The following PKHD1L1 variants were observed in gnomAD, a reference collection of about 807,000 sequenced individuals.
PKHD1L1 encodes the protein fibrocystin-L.
A neutral mutation model predicts 462.9 loss-of-function variants in PKHD1L1; 434 were observed. The observed-to-expected ratio is 0.94, with a 90% CI of 0.87 to 1.02. The LOEUF (loss-of-function observed/expected upper bound fraction) is 1.02. Ranked by LOEUF, PKHD1L1 falls within the 50% of genes least tolerant of loss-of-function variation. The pLI is 0.00. For synonymous variants in PKHD1L1, 1,781 were observed against 1,750.0 expected (o/e 1.02, Z -0.44); for missense variants, 5,202 against 5,096.1 (o/e 1.02, Z -0.63).
rs1460327188 is a variant in PKHD1L1 at position 109,397,533 on chromosome 8, A to G, written c.923-926A>G. On this transcript the variant is annotated intron_variant, in intron 11 of 77. Transcript: ENST00000378402. ...CTACAAAAAAAGAAAGAAAAAAAAGAAAAAAAAATTAGCTGGCATAGTGGC... is the reference window on the plus strand; with the variant it reads ...CTACAAAAAAAGAAAGAAAAAAAAGGAAAAAAAATTAGCTGGCATAGTGGC... 9.9e-5 allele frequency among the ~76,000 whole-genome samples: 11 copies of G among 110,790 alleles called. No individual in the cohort carries two copies. In the South Asian group the frequency reaches 4.0e-3, roughly 41 times the overall value. The allele number at this position is 110,790 out of a possible 152,430, so 72.7% of individuals were successfully genotyped here.
intron 76 of PKHD1L1, among the ~76,000 whole-genome samples, chr8:109,525,570 T>C (rs1042142370): frequency 1.3e-5 from 2 of 152,180 alleles, no homozygotes; most frequent in East Asian, 3.8e-4. Flanking sequence ...GTCATATCTC[T>C]ATGGACCTGA....
At chr8:109,377,330 A>G (rs988506861) in intron 2 of PKHD1L1, among the ~76,000 whole-genome samples, 1 of 152,180 alleles carries the variant, frequency 6.6e-6, no homozygotes, top group Non-Finnish European at 1.5e-5. Context: ...TAAAGAGTTA[A>G]ATCTACATCT....
chr8:109,418,616 C>G (rs937626537), intron 21 of PKHD1L1, among the ~76,000 whole-genome samples: 7 of 152,104 alleles, frequency 4.6e-5, no homozygotes, highest in African/African-American at 1.7e-4. Flanking sequence ...AAATAACACC[C>G]TTCTAGCACT....
chr8:109,471,572 T>C (rs1817718917), intron 50 of PKHD1L1, among the ~76,000 whole-genome samples: 2 of 152,204 alleles, frequency 1.3e-5, no homozygotes, highest in Admixed American at 1.3e-4. Context: ...CAGCAGCAAC[T>C]GAAAATGAAT....
At chr8:109,473,008 G>T (rs1817801365) in intron 50 of PKHD1L1, among the ~76,000 whole-genome samples, 1 of 152,072 alleles carries the variant, frequency 6.6e-6, no homozygotes, top group South Asian at 2.1e-4. Flanking sequence ...AAATTAATTT[G>T]AGACACTAAC....
At chr8:109,390,410 G>A (rs1364489098) in intron 8 of PKHD1L1, 42 bp from the exon 9 acceptor site, 1 of 1,182,752 alleles carries the variant, frequency 8.5e-7, no homozygotes, top group South Asian at 1.9e-5. Context: ...GTTCTTCTGT[G>A]ACTGGGAATT....
rs769110948 is a variant in PKHD1L1 at position 109,465,180 on chromosome 8, C to G, written c.8348C>G (p.Pro2783Arg). 3 of 1,613,660 alleles carry G rather than the reference C, an allele frequency of 1.9e-6. No homozygotes were observed. Among genetic ancestry groups the G allele is most frequent in the African/African-American group, 1.3e-5 (1 of 74,976 alleles). ...GTTGACGTCCAGTATTCTCACACAC[C>G]GAACAAGGCTGGCTTTCGCTGGGAA... ...KFVDVQYSHT[P>R]NKAGFRWEHE... The change falls in exon 49 of 78, where the codon CCG becomes CGG. Residue 2783 changes from proline to arginine, a missense_variant. Transcript: ENST00000378402.
intron 76 of PKHD1L1, among the ~76,000 whole-genome samples, chr8:109,526,505 G>A (rs1401505998): frequency 6.6e-6 from 1 of 152,070 alleles, no homozygotes; most frequent in African/African-American, 2.4e-5. Context: ...GTCCAGTCCT[G>A]GGCACTAGGA....
chr8:109,510,364 T>C (rs1819907092), intron 70 of PKHD1L1, among the ~76,000 whole-genome samples: 1 of 152,158 alleles, frequency 6.6e-6, no homozygotes, highest in African/African-American at 2.4e-5. Flanking sequence ...GAAAGTTCAA[T>C]TCCCACTCAA....
intron 9 of PKHD1L1, among the ~76,000 whole-genome samples, chr8:109,393,601 G>A (rs966081502): frequency 2.0e-5 from 3 of 152,158 alleles, no homozygotes; most frequent in African/African-American, 7.2e-5. Flanking sequence ...TAATACACAC[G>A]TGAGGAGCCA....
At chr8:109,476,777 C>A in intron 52 of PKHD1L1, 110 bp downstream of exon 52, 2 of 926,098 alleles carry the variant, frequency 2.2e-6, no homozygotes, top group Non-Finnish European at 3.1e-6. Context: ...ATACAGGATC[C>A]AATAAATGTT....
chr8:109,527,267 T>A (rs1820865165), intron 77 of PKHD1L1, among the ~76,000 whole-genome samples: 1 of 152,118 alleles, frequency 6.6e-6, no homozygotes, highest in Non-Finnish European at 1.5e-5. Context: ...TTTGGGCGGC[T>A]GAGGCAGGTG....
rs1813421985 is a variant in PKHD1L1, at chr8:109,404,419, A to G, written c.1374-135A>G. On this transcript the variant is annotated intron_variant, in intron 14 of 77. Transcript: ENST00000378402. ...TGAAAATTTTAACATTTGAATATTT[A>G]AAATATGAGATACTACAATATAAGT... 1.0e-5 allele frequency: 5 copies of G among 495,008 alleles called. No homozygotes were observed. In the Admixed American group the frequency reaches 1.7e-4, roughly 17 times the overall value. The allele number at this position is 495,008 out of a possible 1,614,324, so 30.7% of individuals were successfully genotyped here. A position where few individuals can be genotyped will look rare whatever the true frequency, so the allele number is the denominator to read the frequency against.
intron 23 of PKHD1L1, among the ~76,000 whole-genome samples, chr8:109,423,884 A>T (rs2130659260): frequency 6.6e-6 from 1 of 152,282 alleles, no homozygotes; most frequent in Admixed American, 6.5e-5. Flanking sequence ...GAGATTTATA[A>T]ACGTGTTTCA....
chr8:109,478,806 A>C (rs1818126944), intron 53 of PKHD1L1, among the ~76,000 whole-genome samples: 1 of 152,162 alleles, frequency 6.6e-6, no homozygotes, highest in South Asian at 2.1e-4. Flanking sequence ...GCCATGGTAT[A>C]GTTTTTCTTT....
chr8:109,363,786 T>TATGAATTAGACTGG (rs1811094753), intron 1 of PKHD1L1, among the ~76,000 whole-genome samples: 1 of 152,186 alleles, frequency 6.6e-6, no homozygotes, highest in Non-Finnish European at 1.5e-5. Flanking sequence ...TATTTGTCCT[T>TATGAATTAGACTGG]AAAAATGTGG....
In PKHD1L1 at chr8:109,430,228, G is replaced by GA. The variant is rs536019657; in HGVS notation, c.3229+200dup. Among the ~76,000 whole-genome samples the GA allele has an allele frequency of 7.2e-4, 108 of 150,638 alleles. No individual in the cohort carries two copies. In the Middle Eastern group the frequency reaches 0.014, roughly 19 times the overall value. ...GAAAGGGCACTAATTATTTATTTTT[G>GA]AAAAAAAAATATTTCTTTTGAAGCT... On this transcript the variant is annotated intron_variant, in intron 27 of 77. Transcript: ENST00000378402.
chr8:109,513,039 T>A (rs984271351), intron 71 of PKHD1L1, among the ~76,000 whole-genome samples: 6 of 151,772 alleles, frequency 4.0e-5, no homozygotes, highest in Admixed American at 2.6e-4. Context: ...TTTTTGTACA[T>A]TGATTTTGTA....
chr8:109,524,584 C>T (rs1381197537), intron 76 of PKHD1L1, among the ~76,000 whole-genome samples: 1 of 152,126 alleles, frequency 6.6e-6, no homozygotes, highest in Non-Finnish European at 1.5e-5. Flanking sequence ...TACAATGTTC[C>T]AAAAGTACCC....
Sources: allele counts gnomAD v4.1 joint callset (sites outside exome capture counted in the v4.1 genomes callset), GRCh38; gene constraint gnomAD v4.1.1; transcripts MANE v1.5; gene names NCBI Gene and HGNC (gene_info 2026-07-23, HGNC 2026-07-21).